The following ZNF395 variants were observed in gnomAD, a reference collection of about 807,000 sequenced individuals.
ZNF395 encodes the protein zinc finger protein 395, also known as HD gene regulatory region-binding protein 2.
A neutral mutation model predicts 57.7 loss-of-function variants in ZNF395; 20 were observed. The ratio of observed to expected loss-of-function variants is 0.35; its 90% confidence interval spans 0.24 to 0.50. The LOEUF is 0.50. Ranked by LOEUF, ZNF395 falls within the 20% of genes least tolerant of loss-of-function variation. ZNF395 has a pLI of 0.97. For missense variants in ZNF395, 606 were observed against 671.2 expected (o/e 0.90, Z 1.07); for synonymous variants, 295 against 275.9 (o/e 1.07, Z -0.69).
intron 3 of ZNF395, among the ~76,000 whole-genome samples, chr8:28,358,824 T>C (rs1438112107): frequency 1.3e-5 from 2 of 152,346 alleles, no homozygotes; most frequent in East Asian, 1.9e-4. Flanking sequence ...TGAGGTTTTA[T>C]TGGAGGACGG....
At chr8:28,362,420 T>C (rs910942774) in intron 1 of ZNF395, among the ~76,000 whole-genome samples, 8 of 152,258 alleles carry the variant, frequency 5.3e-5, no homozygotes, top group African/African-American at 1.4e-4. Context: ...ATTTGCTTAT[T>C]ATGTGCAAAG....
intron 1 of ZNF395, chr8:28,385,280 T>G (rs1446871601): frequency 6.6e-6 from 1 of 152,468 alleles, no homozygotes; most frequent in Non-Finnish European, 1.5e-5. Flanking sequence ...GCTGGCCAGG[T>G]GGGCTTCTTT....
intron 4 of ZNF395, among the ~76,000 whole-genome samples, chr8:28,355,114 T>C (rs1036944286): frequency 2.0e-5 from 3 of 152,114 alleles, no homozygotes; most frequent in Admixed American, 1.3e-4. Flanking sequence ...AGGCAATAAA[T>C]ACACTTTCTA....
At chr8:28,380,035 C>A (rs1421780335) in intron 1 of ZNF395, among the ~76,000 whole-genome samples, 1 of 152,008 alleles carries the variant, frequency 6.6e-6, no homozygotes, top group Non-Finnish European at 1.5e-5. Flanking sequence ...AAAGCTATTC[C>A]TAAACATTAT....
intron 2 of ZNF395, among the ~76,000 whole-genome samples, chr8:28,360,638 A>G (rs1801836289): frequency 6.6e-6 from 1 of 152,244 alleles, no homozygotes; most frequent in African/African-American, 2.4e-5. Flanking sequence ...AGCAAGCCAA[A>G]GCCCACAGCG....
chr8:28,352,651 T>C lies in ZNF395; in HGVS notation c.842A>G (p.Lys281Arg). Residue 281 changes from lysine to arginine, a missense_variant, in exon 6 of 10, where the codon AAG becomes AGG. This residue lies in a region of ZNF395 where 309 missense variants were observed against 374.7 expected (regional missense o/e 0.82). Coordinates refer to ENST00000344423, the MANE Select transcript of ZNF395 (RefSeq NM_018660.3). The surrounding 1 kb of genome is among the most constrained non-coding windows in gnomAD (Gnocchi z 4.0). Reference protein sequence around the residue: ...KRKNSVKVMYKCLWPNCGKVL... With the variant: ...KRKNSVKVMYRCLWPNCGKVL... ...TTTGCCACAGTTTGGCCACAGGCAC[T>C]TGTACATCACCTTCACAGAGTTCTA... is the stretch of plus-strand genomic sequence containing the variant. 1 of 1,614,170 alleles carries C rather than the reference T, an allele frequency of 6.2e-7. No homozygotes were observed. The highest frequency in any genetic ancestry group is 8.5e-7 in the Non-Finnish European group (1 of 1,179,996).
intron 1 of ZNF395, among the ~76,000 whole-genome samples, chr8:28,369,708 G>C (rs1294298893): frequency 1.3e-5 from 2 of 152,246 alleles, no homozygotes; most frequent in Non-Finnish European, 2.9e-5. Context: ...GCCAGCCTCT[G>C]GGAGCTAATC....
At chr8:28,358,363 G>A (rs964896982) in intron 3 of ZNF395, among the ~76,000 whole-genome samples, 10 of 152,012 alleles carry the variant, frequency 6.6e-5, no homozygotes, top group Non-Finnish European at 2.9e-5. Context: ...ACCCACCTTC[G>A]TCTCCCAAAG....
intron 1 of ZNF395, among the ~76,000 whole-genome samples, chr8:28,363,053 T>C (rs1801868976): frequency 6.6e-6 from 1 of 151,618 alleles, no homozygotes; most frequent in South Asian, 2.1e-4. Flanking sequence ...GGGAGACAAA[T>C]GTAAAGAGTA....
intron 1 of ZNF395, among the ~76,000 whole-genome samples, chr8:28,363,463 A>T (rs531590007): frequency 2.8e-3 from 431 of 152,214 alleles, no homozygotes; most frequent in Admixed American, 0.011. Context: ...ACTGTCACCT[A>T]CATACCTTCG....
chr8:28,358,586 C>T (rs1801810586), intron 3 of ZNF395, among the ~76,000 whole-genome samples: 1 of 151,978 alleles, frequency 6.6e-6, no homozygotes, highest in Non-Finnish European at 1.5e-5. Flanking sequence ...CAGGCAAAAG[C>T]CACCATACCT....
intron 1 of ZNF395, among the ~76,000 whole-genome samples, chr8:28,373,847 T>TA (rs1245802158): frequency 1.3e-5 from 2 of 152,174 alleles, no homozygotes. Context: ...AATAACTGCT[T>TA]AATGTCTGAG....
chr8:28,369,028 G>A (rs1432647218), intron 1 of ZNF395, among the ~76,000 whole-genome samples: 1 of 151,936 alleles, frequency 6.6e-6, no homozygotes, highest in African/African-American at 2.4e-5. Context: ...TAGAGATGGG[G>A]TTTCACCAAG....
At chr8:28,384,891 G>A (rs1185332999) in intron 1 of ZNF395, among the ~76,000 whole-genome samples, 1 of 152,148 alleles carries the variant, frequency 6.6e-6, no homozygotes, top group African/African-American at 2.4e-5. Flanking sequence ...GGTCTCTTCG[G>A]TGCCTCTCCC....
chr8:28,364,039 G>A (rs1801881214), intron 1 of ZNF395, among the ~76,000 whole-genome samples: 1 of 152,156 alleles, frequency 6.6e-6, no homozygotes, highest in South Asian at 2.1e-4. Context: ...GAGAAAGAAG[G>A]AAGGGAAACT....
At chr8:28,379,622 A>G (rs993818905) in intron 1 of ZNF395, among the ~76,000 whole-genome samples, 1 of 152,164 alleles carries the variant, frequency 6.6e-6, no homozygotes, top group Non-Finnish European at 1.5e-5. Flanking sequence ...GCCCCTCCTC[A>G]GTGGACCTGT....
chr8:28,353,820 T>C (rs1801748736), intron 4 of ZNF395, among the ~76,000 whole-genome samples: 1 of 152,156 alleles, frequency 6.6e-6, no homozygotes, highest in Non-Finnish European at 1.5e-5. Flanking sequence ...GGGCAAAGCC[T>C]CTGCAGCCTC....
At chr8:28,379,597 T>C (rs1802084847) in intron 1 of ZNF395, among the ~76,000 whole-genome samples, 1 of 152,130 alleles carries the variant, frequency 6.6e-6, no homozygotes, top group Admixed American at 6.5e-5. Flanking sequence ...CCAACGCTTT[T>C]TTTCTCCATG....
At chr8:28,379,620 T>G (rs1021838459) in intron 1 of ZNF395, among the ~76,000 whole-genome samples, 1 of 152,160 alleles carries the variant, frequency 6.6e-6, no homozygotes. Context: ...CTGCCCCTCC[T>G]CAGTGGACCT....
Sources: gnomAD v4.1 joint callset for allele counts (sites outside exome capture counted in the v4.1 genomes callset) on GRCh38, gnomAD v4.1.1 for gene constraint, gnomAD v4.1.1 regional missense constraint, Gnocchi (gnomAD v3.1) non-coding constraint, MANE v1.5 for transcripts, NCBI Gene and HGNC (gene_info 2026-07-23, HGNC 2026-07-21) for gene names.